RYR3: variants seen among roughly 807,000 people sequenced by gnomAD.
RYR3 encodes the protein brain ryanodine receptor-calcium release channel.
RYR3 carries 207 observed loss-of-function variants against 584.3 expected under a neutral mutation model. The ratio of observed to expected loss-of-function variants is 0.35; its 90% CI spans 0.32 to 0.40. The LOEUF (loss-of-function observed/expected upper bound fraction) is 0.40. Among genes scored for constraint, RYR3 ranks in the 10% least tolerant of loss-of-function variants. The pLI, the probability that RYR3 is intolerant of heterozygous loss-of-function variation, is 1.00. For missense variants in RYR3, 5,616 were observed against 6,089.2 expected (o/e 0.92, Z 2.59); for synonymous variants, 2,416 against 2,248.5 (o/e 1.07, Z -2.11).
chr15:33,734,980 C>CGGG (rs1763565932), intron 48 of RYR3, among the ~76,000 whole-genome samples: 2 of 151,718 alleles, frequency 1.3e-5, no homozygotes, highest in African/African-American at 2.4e-5. Flanking sequence ...CGTGAGCCAC[C>CGGG]GCGCCTGGCC....
chr15:33,838,339 C>A lies in RYR3; in HGVS notation c.12359C>A (p.Ser4120Tyr). ...RPEEEEEDEDSSYVLEIAGEE... is the reference protein window; with the variant it reads ...RPEEEEEDEDYSYVLEIAGEE... The stretch of plus-strand genomic sequence containing the variant: ...GAAGAGGAGGAAGAAGATGAAGATT[C>A]TTCTTACGTGTTAGAAATTGCGGGT... The change falls in exon 89 of 104, where the codon TCT (serine) becomes TAT (tyrosine). Residue 4120 changes from serine to tyrosine, a missense_variant. Transcript: ENST00000634891. 1.2e-6 allele frequency: 2 copies of A among 1,614,010 alleles called. No individual in the cohort carries two copies. Among genetic ancestry groups the A allele is most frequent in the Non-Finnish European group, 1.7e-6 (2 of 1,179,898 alleles).
Position 33,859,453 on chromosome 15 carries a change from A to G in RYR3, c.14143-122A>G, listed in dbSNP as rs1419041718. ...GCAGCATGAATACTGGCACCTCTGAAGAGTTCCCCTCTCGTGGCTTAGGGC... is the reference window on the plus strand; with the variant it reads ...GCAGCATGAATACTGGCACCTCTGAGGAGTTCCCCTCTCGTGGCTTAGGGC... On this transcript the variant is annotated intron_variant, in intron 99 of 103. Transcript: ENST00000634891. 8 of 1,009,096 alleles carry G rather than the reference A, an allele frequency of 7.9e-6. No homozygotes were observed. The African/African-American group carries it at 9.5e-5, about 12-fold the overall frequency. The allele number at this position is 1,009,096 out of a possible 1,614,324, so 62.5% of individuals were successfully genotyped here.
chr15:33,702,069 C>G (rs2066346416), intron 42 of RYR3, among the ~76,000 whole-genome samples: 1 of 152,188 alleles, frequency 6.6e-6, no homozygotes, highest in Admixed American at 6.5e-5. Context: ...AGACCAAGCC[C>G]TTTCATTGTT....
chr15:33,394,750 G>A (rs973154066), intron 1 of RYR3, among the ~76,000 whole-genome samples: 1 of 152,184 alleles, frequency 6.6e-6, no homozygotes, highest in Non-Finnish European at 1.5e-5. Context: ...CCAAACATGT[G>A]CTGATTCTGT....
chr15:33,631,634 C>A (rs1182346097), intron 23 of RYR3, among the ~76,000 whole-genome samples: 1 of 152,234 alleles, frequency 6.6e-6, no homozygotes, highest in Non-Finnish European at 1.5e-5. Flanking sequence ...AGTCACTCCT[C>A]TGGCATTGGA....
At chr15:33,336,677 C>G (rs578257037) in intron 1 of RYR3, among the ~76,000 whole-genome samples, 94 of 151,786 alleles carry the variant, frequency 6.2e-4, no homozygotes, top group Non-Finnish European at 1.2e-3. Flanking sequence ...CACAGGTGAG[C>G]TCCATGCAAA....
intron 1 of RYR3, among the ~76,000 whole-genome samples, chr15:33,358,603 A>G (rs1974311766): frequency 6.7e-6 from 1 of 148,892 alleles, no homozygotes; most frequent in Admixed American, 6.8e-5. Flanking sequence ...CCCACAAAAG[A>G]TTTGATTTAA....
intron 2 of RYR3, among the ~76,000 whole-genome samples, chr15:33,488,318 T>C (rs2050646126): frequency 6.6e-6 from 1 of 152,232 alleles, no homozygotes; most frequent in Non-Finnish European, 1.5e-5. Context: ...TAGGTATTCA[T>C]ACATAGGCAC....
rs777687584 is a variant in RYR3 at position 33,660,292 on chromosome 15, C to A, written c.4491C>A (p.Pro1497=). 1.3e-6 allele frequency: 2 copies of A among 1,567,804 alleles called. No individual in the cohort carries two copies. The highest frequency in any genetic ancestry group is 1.2e-5 in the South Asian group (1 of 84,896). Residue 1497 remains proline (P), a synonymous_variant, in exon 34 of 104, where the codon CCC becomes CCA. Coordinates refer to ENST00000634891, the MANE Select transcript of RYR3 (RefSeq NM_001036.6). The part of the protein sequence containing the change: ...PPRLDVQTIQ[P]VLWSRMPNSF... ...GGCTGGACGTCCAAACCATCCAGCC[C>A]GTGCTCTGGAGCCGCATGCCCAACA... is the stretch of plus-strand genomic sequence containing the variant.
rs575123219 is a variant in RYR3, at chr15:33,800,697, T to C, written c.9831-73T>C. On this transcript the variant is annotated intron_variant, in intron 67 of 103. Coordinates refer to ENST00000634891, the MANE Select transcript of RYR3 (RefSeq NM_001036.6). ...GATAAATGTATGTCTCCAGTGCTGG[T>C]ATAATTTTTAGAGTGTGAATATTTT... 5.5e-4 allele frequency: 580 copies of C among 1,052,526 alleles called. 3 individuals are homozygous for C. In the African/African-American group the frequency reaches 8.0e-3, roughly 15 times the overall value. The allele number at this position is 1,052,526 out of a possible 1,614,324, so 65.2% of individuals were successfully genotyped here. A position where few individuals can be genotyped will look rare whatever the true frequency, so the allele number is the denominator to read the frequency against.
At chr15:33,387,047 C>T (rs895313792) in intron 1 of RYR3, among the ~76,000 whole-genome samples, 9 of 151,986 alleles carry the variant, frequency 5.9e-5, no homozygotes, top group African/African-American at 1.4e-4. Flanking sequence ...TTAGTAGAGA[C>T]GGGGTTTCAC....
At chr15:33,396,536 G>A (rs1284213938) in intron 1 of RYR3, among the ~76,000 whole-genome samples, 1 of 152,180 alleles carries the variant, frequency 6.6e-6, no homozygotes, top group Admixed American at 6.5e-5. Context: ...CTCAAGCCCC[G>A]GGGATCCCTT....
At chr15:33,585,245 C>T (rs948383326) in intron 15 of RYR3, among the ~76,000 whole-genome samples, 2 of 152,154 alleles carry the variant, frequency 1.3e-5, no homozygotes, top group African/African-American at 2.4e-5. Flanking sequence ...TTCAGTGCCT[C>T]GGTCTCATGG....
chr15:33,707,124 G>A (rs2066774157), intron 43 of RYR3, 70 bp downstream of exon 43: 3 of 1,552,594 alleles, frequency 1.9e-6, no homozygotes, highest in Non-Finnish European at 2.6e-6. Flanking sequence ...CAAGGAAAAG[G>A]ATATCCTTTC....
chr15:33,535,411 T>C (rs1364150736), intron 5 of RYR3, among the ~76,000 whole-genome samples: 4 of 152,252 alleles, frequency 2.6e-5, no homozygotes, highest in Admixed American at 2.0e-4. Context: ...TATGGCTTTT[T>C]TCCTAAAATA....
rs571758512 is a variant in RYR3, at chr15:33,617,241, C to T, written c.2357+3866C>T. On this transcript the variant is annotated intron_variant, in intron 19 of 103. Coordinates refer to ENST00000634891, the MANE Select transcript of RYR3 (RefSeq NM_001036.6). Reference sequence around the variant, plus strand: ...CATCCTGGCTAACACAATGAAACCCCGTCTCACTAAAAATACAAAAATTAG... The same window carrying T: ...CATCCTGGCTAACACAATGAAACCCTGTCTCACTAAAAATACAAAAATTAG... 1.7e-3 allele frequency among the ~76,000 whole-genome samples: 26 copies of T among 15,412 alleles called. No individual in the cohort carries two copies. The Non-Finnish European group carries it at 0.082, about 49-fold the overall frequency. The allele number at this position is 15,412 out of a possible 152,430, so 10.1% of individuals were successfully genotyped here. A position where few individuals can be genotyped will look rare whatever the true frequency, so the allele number is the denominator to read the frequency against.
intron 13 of RYR3, among the ~76,000 whole-genome samples, chr15:33,580,534 G>A (rs948073391): frequency 2.0e-5 from 3 of 152,168 alleles, no homozygotes; most frequent in Non-Finnish European, 4.4e-5. Context: ...CTGAGAAGCT[G>A]GTTTAAAAGA....
rs773484685 is a variant in RYR3, at chr15:33,760,404, G to A, written c.8705+2808G>A. Among the ~76,000 whole-genome samples the A allele has an allele frequency of 3.7e-4, 57 of 152,222 alleles. No homozygotes were observed. In the Middle Eastern group the frequency reaches 0.01, roughly 27 times the overall value. On this transcript the variant is annotated intron_variant, in intron 60 of 103. Coordinates refer to ENST00000634891, the MANE Select transcript of RYR3 (RefSeq NM_001036.6). ...CATAGGCTCAAAATAAAGGGATGGA[G>A]AAATATTTACCAAGCAAATGGAAAG...
At chr15:33,673,996 G>A (rs1181562892) in intron 38 of RYR3, among the ~76,000 whole-genome samples, 1 of 152,104 alleles carries the variant, frequency 6.6e-6, no homozygotes, top group East Asian at 1.9e-4. Context: ...AGATTAGGTG[G>A]CACTCTTGGC....
Sources: gnomAD v4.1 joint callset for allele counts (sites outside exome capture counted in the v4.1 genomes callset) on GRCh38, gnomAD v4.1.1 for gene constraint, MANE v1.5 for transcripts, NCBI Gene and HGNC (gene_info 2026-07-23, HGNC 2026-07-21) for gene names.